Variants in ADAMTSL3 observed in about 807,000 individuals in gnomAD.
ADAMTSL3 encodes the protein ADAMTS-like protein 3.
In ADAMTSL3, 128 loss-of-function variants were observed where a neutral mutation model predicts 201.7. The ratio of observed to expected loss-of-function variants is 0.63; its 90% confidence interval spans 0.55 to 0.73. The LOEUF is 0.73. Among genes scored for constraint, ADAMTSL3 ranks in the 30% least tolerant of loss-of-function variants. The probability of loss-of-function intolerance (pLI) is 0.00; values close to 1 mark genes in which losing one functional copy is unlikely to be tolerated. For synonymous variants in ADAMTSL3, 738 were observed against 748.4 expected (o/e 0.99, Z 0.23); for missense variants, 1,990 against 2,119.6 (o/e 0.94, Z 1.20).
chr15:83,897,761 T>C, intron 13 of ADAMTSL3, 97 bp from the exon 14 acceptor site: 1 of 1,357,480 alleles, frequency 7.4e-7, no homozygotes, highest in Non-Finnish European at 9.9e-7. Context: ...GTGTTTAACA[T>C]TTATGTAGTT....
chr15:83,990,994 A>T (rs1216074384), intron 22 of ADAMTSL3, 92 bp from the exon 23 acceptor site: 1 of 1,567,232 alleles, frequency 6.4e-7, no homozygotes, highest in Non-Finnish European at 8.7e-7. Flanking sequence ...TCCTGCCCTC[A>T]AAGGGCTCAA....
At chr15:83,980,264 G>A (rs549799179) in intron 20 of ADAMTSL3, among the ~76,000 whole-genome samples, 2 of 152,210 alleles carry the variant, frequency 1.3e-5, no homozygotes, top group African/African-American at 4.8e-5. Flanking sequence ...GTCCATAATC[G>A]AACAACTATG....
At chr15:83,942,853 T>G in intron 18 of ADAMTSL3, 50 bp from the exon 19 acceptor site, 1 of 1,606,066 alleles carries the variant, frequency 6.2e-7, no homozygotes, top group Non-Finnish European at 8.5e-7. Context: ...TGCACTGCAC[T>G]AACATAGAGT....
rs773201279 is a variant in ADAMTSL3, at chr15:83,943,098, A to G, written c.2490+16A>G. ...CTGGTCGAAGGTAAGGGCCAGGCTC[A>G]ACTTTATAGTCCCTTCTTTTCTGCC... On this transcript the variant is annotated intron_variant, in intron 19 of 29. Coordinates refer to ENST00000286744, the MANE Select transcript of ADAMTSL3 (RefSeq NM_207517.3). The G allele has an allele frequency of 1.9e-6, 3 of 1,590,106 alleles. No homozygotes were observed. Among genetic ancestry groups the G allele is most frequent in the Non-Finnish European group, 2.6e-6 (3 of 1,170,684 alleles).
At chr15:83,753,539 C>G in intron 3 of ADAMTSL3, among the ~76,000 whole-genome samples, 1 of 152,088 alleles carries the variant, frequency 6.6e-6, no homozygotes, top group East Asian at 1.9e-4. Context: ...CTTGATGAGT[C>G]GTTGGCACAA....
intron 2 of ADAMTSL3, among the ~76,000 whole-genome samples, chr15:83,682,804 CT>C (rs752139553): frequency 6.6e-6 from 1 of 152,184 alleles, no homozygotes; most frequent in Non-Finnish European, 1.5e-5. Context: ...CAAATGTTTG[CT>C]TTCTTAGAAG....
chr15:83,933,499 C>G (rs1437828768), intron 17 of ADAMTSL3, among the ~76,000 whole-genome samples: 3 of 152,090 alleles, frequency 2.0e-5, no homozygotes, highest in Admixed American at 6.5e-5. Flanking sequence ...AAAAGGGAAG[C>G]AAAGCATAAA....
intron 19 of ADAMTSL3, among the ~76,000 whole-genome samples, chr15:83,951,788 T>A (rs1388506212): frequency 6.6e-6 from 1 of 152,178 alleles, no homozygotes; most frequent in African/African-American, 2.4e-5. Flanking sequence ...AATTTTCTAA[T>A]TTATTGATAT....
At chr15:83,670,607 A>T (rs2061318771) in intron 2 of ADAMTSL3, among the ~76,000 whole-genome samples, 1 of 152,206 alleles carries the variant, frequency 6.6e-6, no homozygotes, top group African/African-American at 2.4e-5. Context: ...ATTTCATTCT[A>T]TTCCAATTGA....
intron 3 of ADAMTSL3, among the ~76,000 whole-genome samples, chr15:83,737,219 G>A (rs560091375): frequency 2.0e-5 from 3 of 152,296 alleles, no homozygotes; most frequent in East Asian, 1.9e-4. Context: ...AATGGGAAGT[G>A]TGGGGGAAAA....
At chr15:83,853,944 CTATCTATCTAT>C (rs1356975751) in intron 7 of ADAMTSL3, among the ~76,000 whole-genome samples, 20 of 150,356 alleles carry the variant, frequency 1.3e-4, no homozygotes, top group African/African-American at 4.2e-4. Context: ...ATCTATCTAT[CTATCTATCTAT>C]CTAATTCCTC....
chr15:84,034,276 G>C (rs141254032), intron 28 of ADAMTSL3, among the ~76,000 whole-genome samples: 3 of 152,200 alleles, frequency 2.0e-5, no homozygotes, highest in Non-Finnish European at 4.4e-5. Context: ...TCTCACTTTT[G>C]AGTGGGTGGA....
intron 3 of ADAMTSL3, among the ~76,000 whole-genome samples, chr15:83,740,440 C>G (rs2062436533): frequency 6.6e-6 from 1 of 152,062 alleles, no homozygotes; most frequent in African/African-American, 2.4e-5. Context: ...ATTAAAATTA[C>G]TAATTATTTG....
intron 19 of ADAMTSL3, among the ~76,000 whole-genome samples, chr15:83,949,903 T>C (rs2066728047): frequency 1.3e-5 from 2 of 152,308 alleles, no homozygotes; most frequent in South Asian, 4.1e-4. Context: ...TTATATGTTC[T>C]GGTTCTTAAA....
intron 6 of ADAMTSL3, among the ~76,000 whole-genome samples, chr15:83,828,864 C>T (rs1050028351): frequency 9.8e-5 from 15 of 152,326 alleles, no homozygotes; most frequent in African/African-American, 3.1e-4. Flanking sequence ...CCTTGCATAG[C>T]AGGGATGAAG....
chr15:83,786,070 G>C (rs1285629547), intron 4 of ADAMTSL3, among the ~76,000 whole-genome samples: 1 of 152,050 alleles, frequency 6.6e-6, no homozygotes, highest in African/African-American at 2.4e-5. Context: ...TCAAACTCCT[G>C]ACCTCAAGTG....
intron 16 of ADAMTSL3, among the ~76,000 whole-genome samples, chr15:83,920,390 A>G (rs1223829354): frequency 6.6e-6 from 1 of 152,236 alleles, no homozygotes; most frequent in Non-Finnish European, 1.5e-5. Context: ...AATGGCTTTC[A>G]ACAATCCTTA....
intron 19 of ADAMTSL3, among the ~76,000 whole-genome samples, chr15:83,964,391 A>G (rs1230709642): frequency 6.6e-6 from 1 of 152,128 alleles, no homozygotes; most frequent in Admixed American, 6.6e-5. Context: ...ACAAGTATCA[A>G]TAGCCAAATT....
intron 15 of ADAMTSL3, among the ~76,000 whole-genome samples, chr15:83,905,907 T>A (rs921542399): frequency 1.6e-4 from 24 of 152,214 alleles, no homozygotes; most frequent in African/African-American, 5.5e-4. Context: ...TTTTTTTTTT[T>A]AAATGTTATT....
Sources: allele counts gnomAD v4.1 joint callset (sites outside exome capture counted in the v4.1 genomes callset), GRCh38; gene constraint gnomAD v4.1.1; transcripts MANE v1.5; gene names NCBI Gene and HGNC (gene_info 2026-07-23, HGNC 2026-07-21).